The following NFX1 variants were observed in gnomAD, a reference collection of about 807,000 sequenced individuals.
NFX1 encodes transcriptional repressor NF-X1.
NFX1 carries 69 observed loss-of-function variants against 137.2 expected under a neutral mutation model. The observed-to-expected ratio is 0.50, with a 90% CI of 0.41 to 0.61. The LOEUF (loss-of-function observed/expected upper bound fraction) is 0.61, where lower values mean the gene tolerates loss of function less well. Among genes scored for constraint, NFX1 ranks in the 20% least tolerant of loss-of-function variants. The pLI, the probability that NFX1 is intolerant of heterozygous loss-of-function variation, is 0.00. For synonymous variants in NFX1, 495 were observed against 474.1 expected (o/e 1.04, Z -0.57); for missense variants, 1,167 against 1,391.0 (o/e 0.84, Z 2.56).
At chr9:33,340,283 C>T (rs1823171305) in intron 12 of NFX1, among the ~76,000 whole-genome samples, 1 of 152,380 alleles carries the variant, frequency 6.6e-6, no homozygotes, top group African/African-American at 2.4e-5. Flanking sequence ...CCCGCAGGCT[C>T]AGCACCACAT....
At position 33,318,940 on chromosome 9, in the gene NFX1, G is replaced by A. The variant is rs1218073013; in HGVS notation, c.1719G>A (p.Ser573=). The A allele has an allele frequency of 6.2e-6, 10 of 1,614,082 alleles. No homozygotes were observed. Among genetic ancestry groups the A allele is most frequent in the Admixed American group, 5.0e-5 (3 of 60,002 alleles). ...TGAAATGCGGTAACCATACATGTTC[G>A]CAAGTGTGCCACCCTCAGCCCTGCC... ...KDLKCGNHTC[S]QVCHPQPCQQ... Residue 573 remains serine, a synonymous_variant, in exon 9 of 24, where the codon TCG becomes TCA. Coordinates refer to ENST00000379540, the MANE Select transcript of NFX1 (RefSeq NM_002504.6).
At chr9:33,316,789 T>C (rs944268695) in intron 7 of NFX1, among the ~76,000 whole-genome samples, 2 of 152,194 alleles carry the variant, frequency 1.3e-5, no homozygotes, top group South Asian at 2.1e-4. Context: ...TACCTAATTC[T>C]TCTGTCACCT....
intron 7 of NFX1, among the ~76,000 whole-genome samples, chr9:33,318,147 T>A (rs1822244163): frequency 6.6e-6 from 1 of 152,174 alleles, no homozygotes; most frequent in Admixed American, 6.6e-5. Context: ...AATACTGCAT[T>A]TATTCTGATC....
chr9:33,342,680 G>C, intron 12 of NFX1, 66 bp from the exon 13 acceptor site: 1 of 1,067,820 alleles, frequency 9.4e-7, no homozygotes, highest in Non-Finnish European at 1.4e-6. Context: ...TATTAATCTT[G>C]TTGTTATTTA....
chr9:33,302,379 T>C (rs1267434442), intron 3 of NFX1, among the ~76,000 whole-genome samples: 8 of 86,636 alleles, frequency 9.2e-5, no homozygotes, highest in African/African-American at 3.4e-4. Flanking sequence ...TTTTTTTTTT[T>C]GAGACAGAGT....
intron 9 of NFX1, among the ~76,000 whole-genome samples, chr9:33,325,447 A>G (rs1401483884): frequency 1.3e-5 from 2 of 152,258 alleles, no homozygotes; most frequent in African/African-American, 4.8e-5. Context: ...GTGGATCACG[A>G]GGTCAGGATA....
rs1564142749 is a variant in NFX1 at position 33,351,839 on chromosome 9, A to G, written c.2655+49A>G. ...CAGCATTGACTGTAGTTCTGAGGCT[A>G]CTAGTGAATCCAGAACTGTCTACAG... On this transcript the variant is annotated intron_variant, in intron 16 of 23. Coordinates refer to ENST00000379540, the MANE Select transcript of NFX1 (RefSeq NM_002504.6). The G allele has an allele frequency of 3.4e-6, 5 of 1,470,836 alleles. No homozygotes were observed. The African/African-American group carries it at 5.6e-5, about 17-fold the overall frequency. The allele number at this position is 1,470,836 out of a possible 1,614,324, so 91.1% of individuals were successfully genotyped here.
chr9:33,309,240 C>G (rs757233908), intron 5 of NFX1, among the ~76,000 whole-genome samples: 1 of 151,952 alleles, frequency 6.6e-6, no homozygotes, highest in Non-Finnish European at 1.5e-5. Context: ...ACCTGTAGTC[C>G]CACCTACTGG....
At position 33,329,084 on chromosome 9, in the gene NFX1, G is replaced by A. The variant is rs151057046; in HGVS notation, c.2004+406G>A. The stretch of plus-strand genomic sequence containing the variant: ...CATGGTTAGAGCTTTACTACAAGGA[G>A]GTTACAGTTTTATTACAAGGAAAAG... On this transcript the variant is annotated intron_variant, in intron 10 of 23. Transcript: ENST00000379540. 5.8e-3 allele frequency among the ~76,000 whole-genome samples: 878 copies of A among 152,284 alleles called. 11 individuals carry two copies. Among genetic ancestry groups the A allele is most frequent in the African/African-American group, 0.02 (811 of 41,546 alleles).
At chr9:33,317,124 A>G (rs1476497846) in intron 7 of NFX1, among the ~76,000 whole-genome samples, 2 of 152,140 alleles carry the variant, frequency 1.3e-5, no homozygotes, top group African/African-American at 4.8e-5. Flanking sequence ...AACGGGGGAA[A>G]AAATTGCATA....
chr9:33,352,028 G>T, intron 16 of NFX1: 2 of 485,226 alleles, frequency 4.1e-6, no homozygotes, highest in Non-Finnish European at 7.3e-6. Flanking sequence ...GTCTCCCTTG[G>T]GTGAGATTCT....
At chr9:33,291,235 G>C (rs981441034) in intron 1 of NFX1, among the ~76,000 whole-genome samples, 3 of 152,198 alleles carry the variant, frequency 2.0e-5, no homozygotes, top group African/African-American at 7.2e-5. Context: ...GTGTTCCATA[G>C]ATCAGTGTTT....
At position 33,307,245 on chromosome 9, in the gene NFX1, G is replaced by T; in HGVS notation, c.1322G>T (p.Gly441Val). 1 of 1,614,166 alleles carries T rather than the reference G, an allele frequency of 6.2e-7. No individual in the cohort carries two copies. The highest frequency in any genetic ancestry group is 8.5e-7 in the Non-Finnish European group (1 of 1,180,012). The change falls in exon 5 of 24, where the codon GGT becomes GTT. Residue 441 changes from glycine to valine, a missense_variant. Gly to Val is a moderately radical substitution (Grantham distance 109). Coordinates refer to ENST00000379540, the MANE Select transcript of NFX1 (RefSeq NM_002504.6). ...WSRNEIPHSC[G>V]EVCRKKQPGQ... ...AGAAATGAAATTCCACATAGCTGTG[G>T]TGAGGTTTGTAGAAAGAAACAGCCT...
chr9:33,333,284 T>C (rs1248582516), intron 11 of NFX1, among the ~76,000 whole-genome samples: 1 of 152,226 alleles, frequency 6.6e-6, no homozygotes, highest in Non-Finnish European at 1.5e-5. Flanking sequence ...GTTAGGAAGC[T>C]TCTGGATGCA....
intron 7 of NFX1, among the ~76,000 whole-genome samples, chr9:33,316,599 T>C (rs970604328): frequency 2.6e-5 from 4 of 152,246 alleles, no homozygotes; most frequent in African/African-American, 9.6e-5. Flanking sequence ...CAGAATATTT[T>C]GGCCATGTAA....
Position 33,369,767 on chromosome 9 carries a change from A to T in NFX1, c.3291-139A>T, listed in dbSNP as rs1824273213. 4 of 723,136 alleles carry T rather than the reference A, an allele frequency of 5.5e-6. No homozygotes were observed. In the East Asian group the frequency reaches 1.1e-4, roughly 20 times the overall value. The allele number at this position is 723,136 out of a possible 1,614,324, so 44.8% of individuals were successfully genotyped here. A position where few individuals can be genotyped will look rare whatever the true frequency, so the allele number is the denominator to read the frequency against. ...AATTGCTCACAAAGGGCAGAAGGAA[A>T]AAAAGTAAGACTAAAATAAAAATAA... is the stretch of plus-strand genomic sequence containing the variant. On this transcript the variant is annotated intron_variant, in intron 23 of 23. Transcript: ENST00000379540.
At position 33,352,452 on chromosome 9, in the gene NFX1, C is replaced by T. The variant is rs139936652; in HGVS notation, c.2656-194C>T. The stretch of plus-strand genomic sequence containing the variant: ...GGTTTCCAAAAGGGGGCATTGTGGA[C>T]GGGGCAATTCTTTCCTAGCATGTCA... On this transcript the variant is annotated intron_variant, in intron 16 of 23. Transcript: ENST00000379540. 3,921 of 680,476 alleles carry T rather than the reference C, an allele frequency of 5.8e-3. 101 individuals carry two copies. The highest frequency in any genetic ancestry group is 0.055 in the African/African-American group (3,137 of 56,602). The allele number at this position is 680,476 out of a possible 1,614,324, so 42.2% of individuals were successfully genotyped here. A position where few individuals can be genotyped will look rare whatever the true frequency, so the allele number is the denominator to read the frequency against.
chr9:33,333,147 G>C (rs558902080), intron 11 of NFX1, among the ~76,000 whole-genome samples: 1 of 152,082 alleles, frequency 6.6e-6, no homozygotes, highest in Non-Finnish European at 1.5e-5. Flanking sequence ...CACCGGCCTC[G>C]ATTCCTGTTT....
At chr9:33,338,618 T>C (rs776992796) in intron 12 of NFX1, 29 bp downstream of exon 12, 1 of 1,549,422 alleles carries the variant, frequency 6.5e-7, no homozygotes, top group East Asian at 2.3e-5. Context: ...CATAATCAGA[T>C]TCCATTCATC....
Sources: allele counts gnomAD v4.1 joint callset (sites outside exome capture counted in the v4.1 genomes callset), GRCh38; gene constraint gnomAD v4.1.1; transcripts MANE v1.5; gene names NCBI Gene and HGNC (gene_info 2026-07-23, HGNC 2026-07-21).